ANKRD36: variants seen among roughly 807,000 people sequenced by gnomAD.
ANKRD36 encodes the protein ankyrin repeat domain 36.
A neutral mutation model predicts 278.1 loss-of-function variants in ANKRD36; 179 were observed. The ratio of observed to expected loss-of-function variants is 0.64; its 90% confidence interval spans 0.57 to 0.73. The LOEUF is 0.73. Among genes scored for constraint, ANKRD36 ranks in the 30% least tolerant of loss-of-function variants. The pLI is 0.00. For synonymous variants in ANKRD36, 320 were observed against 641.1 expected, an observed-to-expected ratio of 0.50 and a Z score of 7.57; for missense variants, 1,159 against 1,956.7, an observed-to-expected ratio of 0.59 and a Z score of 7.69.
At chr2:97,225,619 CTTTTT>C (rs1339616968) in intron 67 of ANKRD36, among the ~76,000 whole-genome samples, 3 of 152,008 alleles carry the variant, frequency 2.0e-5, no homozygotes, top group African/African-American at 7.2e-5. Context: ...ATTTGCTTTT[CTTTTT>C]TTATTTTATT....
intron 38 of ANKRD36, among the ~76,000 whole-genome samples, chr2:97,193,532 AAAG>A (rs2059000140): frequency 7.6e-6 from 1 of 132,160 alleles, no homozygotes; most frequent in African/African-American, 2.5e-5. Context: ...GAAGGTGTGA[AAAG>A]AAGAAGTCAT....
In ANKRD36 at chr2:97,189,811, T is replaced by A. The variant is rs1220368323; in HGVS notation, c.2245+521T>A. Among the ~76,000 whole-genome samples the A allele has an allele frequency of 2.4e-5, 2 of 84,468 alleles. 1 individual carries two copies. Among genetic ancestry groups the A allele is most frequent in the Admixed American group, 2.2e-4 (2 of 9,090 alleles). The allele number at this position is 84,468 out of a possible 152,430, so 55.4% of individuals were successfully genotyped here. On this transcript the variant is annotated intron_variant, in intron 34 of 75. Coordinates refer to ENST00000420699, the MANE Select transcript of ANKRD36 (RefSeq NM_001354587.1). ...AGAAGTTATTTATATAATTTAGGGG[T>A]TTCTGCTGAGGAAATCTGAGTGAAC... is the stretch of plus-strand genomic sequence containing the variant.
At position 97,124,515 on chromosome 2, in the gene ANKRD36, C is replaced by G. The variant is rs751077406; in HGVS notation, c.649C>G (p.Leu217Val). 1.3e-6 allele frequency: 2 copies of G among 1,552,854 alleles called. No individual in the cohort carries two copies. Among genetic ancestry groups the G allele is most frequent in the Non-Finnish European group, 1.7e-6 (2 of 1,147,286 alleles). The change falls in exon 5 of 76, where the codon CTG becomes GTG. Residue 217 changes from leucine to valine, a missense_variant. Transcript: ENST00000420699. ...AGAAAAAGATATAGTCATTCTTCTTCTGCAGCACAATATTGATGTGCTTTC... is the reference window on the plus strand; with the variant it reads ...AGAAAAAGATATAGTCATTCTTCTTGTGCAGCACAATATTGATGTGCTTTC... ...LGEKDIVILL[L>V]QHNIDVLSRD...
chr2:97,117,625 A>G (rs1430674392), intron 1 of ANKRD36, among the ~76,000 whole-genome samples: 4 of 152,090 alleles, frequency 2.6e-5, no homozygotes, highest in African/African-American at 9.7e-5. Flanking sequence ...ACCTCAATGT[A>G]GATATGATTG....
intron 10 of ANKRD36, among the ~76,000 whole-genome samples, chr2:97,145,399 T>C (rs1415403578): frequency 1.3e-5 from 2 of 152,022 alleles, no homozygotes; most frequent in Non-Finnish European, 2.9e-5. Flanking sequence ...CAGAGATATA[T>C]GTTTTGTTGT....
chr2:97,258,579 A>G (rs2153702756), intron 75 of ANKRD36, among the ~76,000 whole-genome samples: 3 of 56,870 alleles, frequency 5.3e-5, no homozygotes, highest in Non-Finnish European at 9.6e-5. Context: ...TGGCCTCCCA[A>G]ACTGCTGTGA....
intron 44 of ANKRD36, 72 bp from the exon 45 acceptor site, chr2:97,200,262 A>G (rs2060972719): frequency 6.2e-7 from 1 of 1,603,574 alleles, no homozygotes; most frequent in African/African-American, 1.3e-5. Flanking sequence ...GTTGATGCTA[A>G]CACTGTGTGA....
In ANKRD36 at chr2:97,195,308, A is replaced by G. The variant is rs368612729; in HGVS notation, c.2551+391A>G. 2.2e-4 allele frequency among the ~76,000 whole-genome samples: 33 copies of G among 152,042 alleles called. No individual in the cohort carries two copies. In the East Asian group the frequency reaches 5.3e-3, roughly 24 times the overall value. ...GACAGAAAACTGTTCATAATAACCCATAGACACTGTAGAAGGAGAACTGAG... is the reference window on the plus strand; with the variant it reads ...GACAGAAAACTGTTCATAATAACCCGTAGACACTGTAGAAGGAGAACTGAG... On this transcript the variant is annotated intron_variant, in intron 40 of 75. Coordinates refer to ENST00000420699, the MANE Select transcript of ANKRD36 (RefSeq NM_001354587.1).
At chr2:97,191,822 A>G (rs1271080135) in intron 36 of ANKRD36, among the ~76,000 whole-genome samples, 1 of 151,716 alleles carries the variant, frequency 6.6e-6, no homozygotes, top group East Asian at 2.0e-4. Context: ...ATAAAAACAC[A>G]CTGCCTCATT....
intron 42 of ANKRD36, 99 bp from the exon 43 acceptor site, chr2:97,198,363 AC>A: frequency 6.5e-7 from 1 of 1,542,154 alleles, no homozygotes; most frequent in African/African-American, 1.4e-5. Flanking sequence ...GTACACTAAT[AC>A]AGGCAGGAGG....
intron 4 of ANKRD36, among the ~76,000 whole-genome samples, chr2:97,123,970 T>TATATAC (rs2037795109): frequency 6.8e-6 from 1 of 147,270 alleles, no homozygotes; most frequent in Admixed American, 6.9e-5. Context: ...TATATATATA[T>TATATAC]ATATAGTGTT....
Position 97,202,319 on chromosome 2 carries a change from A to G in ANKRD36, c.2887-2A>G, listed in dbSNP as rs766994431. On this transcript the variant is annotated splice_acceptor_variant, in intron 47 of 75. Coordinates refer to ENST00000420699, the MANE Select transcript of ANKRD36 (RefSeq NM_001354587.1). LOFTEE classifies it high-confidence loss of function. ...TATTATTTCGTTTTAAATTCCATTC[A>G]GGGTACAAGTGACGAGGAAGATTCT... 1 of 1,579,608 alleles carries G rather than the reference A, an allele frequency of 6.3e-7. No individual in the cohort carries two copies. The highest frequency in any genetic ancestry group is 1.2e-5 in the South Asian group (1 of 86,314).
At chr2:97,145,291 G>C (rs750221198) in intron 10 of ANKRD36, among the ~76,000 whole-genome samples, 14 of 152,018 alleles carry the variant, frequency 9.2e-5, no homozygotes, top group Admixed American at 2.6e-4. Context: ...AGGAAAATTT[G>C]ATTTTGGCTG....
At chr2:97,206,574 C>T (rs551409980) in intron 52 of ANKRD36, among the ~76,000 whole-genome samples, 97 of 151,516 alleles carry the variant, frequency 6.4e-4, no homozygotes, top group Middle Eastern at 3.4e-3. Context: ...GTAGCAATCA[C>T]TTTCCCAAAG....
chr2:97,191,045 T>C (rs2058411560), intron 35 of ANKRD36, 39 bp downstream of exon 35: 2 of 1,602,796 alleles, frequency 1.2e-6, no homozygotes, highest in Non-Finnish European at 1.7e-6. Context: ...CTAGTAAATC[T>C]ATAGTCTATG....
chr2:97,196,529 T>G, intron 40 of ANKRD36, 64 bp from the exon 41 acceptor site: 2 of 1,597,066 alleles, frequency 1.3e-6, no homozygotes, highest in South Asian at 1.1e-5. Flanking sequence ...TAACTCTGCT[T>G]GAATGTATGG....
intron 30 of ANKRD36, among the ~76,000 whole-genome samples, chr2:97,186,765 G>T (rs1187148595): frequency 1.3e-5 from 2 of 151,874 alleles, no homozygotes; most frequent in Non-Finnish European, 2.9e-5. Flanking sequence ...TACTGGGCAA[G>T]TTAATGAACA....
chr2:97,222,162 G>T (rs1335825053), intron 66 of ANKRD36, among the ~76,000 whole-genome samples: 52 of 151,988 alleles, frequency 3.4e-4, no homozygotes, highest in African/African-American at 6.0e-4. Flanking sequence ...ACCAGTACCA[G>T]GCTGTTTTGG....
In ANKRD36 at chr2:97,187,842, G is replaced by A. The variant is rs558788565; in HGVS notation, c.2143+441G>A. 2.1e-3 allele frequency among the ~76,000 whole-genome samples: 313 copies of A among 151,858 alleles called. 1 individual carries two copies. Among genetic ancestry groups the A allele is most frequent in the African/African-American group, 7.2e-3 (298 of 41,516 alleles). ...TAGAACGAGAACTAAGGAGACCCCT[G>A]ATGTAGCAATTATTTTCCCAAGGAA... On this transcript the variant is annotated intron_variant, in intron 32 of 75. Transcript: ENST00000420699.
Sources: gnomAD v4.1 joint callset for allele counts (sites outside exome capture counted in the v4.1 genomes callset) on GRCh38, gnomAD v4.1.1 for gene constraint, MANE v1.5 for transcripts, NCBI Gene and HGNC (gene_info 2026-07-23, HGNC 2026-07-21) for gene names.